RNF130: variants seen among roughly 807,000 people sequenced by gnomAD.
RNF130 encodes the protein E3 ubiquitin-protein ligase RNF130.
RNF130 carries 21 observed loss-of-function variants against 44.6 expected under a neutral mutation model. The ratio of observed to expected loss-of-function variants is 0.47; its 90% CI spans 0.33 to 0.68. The LOEUF (loss-of-function observed/expected upper bound fraction) is 0.68, where lower values mean the gene tolerates loss of function less well. Ranked by LOEUF, RNF130 falls within the 30% of genes least tolerant of loss-of-function variation. RNF130 has a pLI of 0.02. For synonymous variants in RNF130, 214 were observed against 210.4 expected (o/e 1.02, Z -0.15); for missense variants, 479 against 560.6 (o/e 0.85, Z 1.47).
At chr5:179,976,579 G>A (rs1244720937) in intron 5 of RNF130, among the ~76,000 whole-genome samples, 1 of 152,166 alleles carries the variant, frequency 6.6e-6, no homozygotes, top group African/African-American at 2.4e-5. Context: ...TAATTTTCTA[G>A]AGGACAGCTT....
downstream of RNF130, among the ~76,000 whole-genome samples, chr5:179,954,219 C>G (rs1004258570): frequency 6.6e-6 from 1 of 152,180 alleles, no homozygotes; most frequent in Admixed American, 6.5e-5. Context: ...AGAGTTATAA[C>G]ATAATCCAGC....
intron 1 of RNF130, among the ~76,000 whole-genome samples, chr5:180,041,982 T>TAA (rs1748438327): frequency 6.6e-6 from 1 of 152,106 alleles, no homozygotes; most frequent in Admixed American, 6.5e-5. Context: ...GTGGGAAGAC[T>TAA]GCTTGAGCCA....
rs546832722 is a variant in RNF130 at position 179,941,215 on chromosome 5, G to A, written c.1151-20789C>T. The stretch of plus-strand genomic sequence containing the variant: ...CCTGGCTTGCCTGCTTCGTTTGGTT[G>A]GTTTTTAATGGATTGCTGGACATGT... On this transcript the variant is annotated intron_variant, in intron 7 of 7. Transcript: ENST00000522208. 5.9e-5 allele frequency among the ~76,000 whole-genome samples: 9 copies of A among 152,200 alleles called. No homozygotes were observed. In the South Asian group the frequency reaches 1.9e-3, roughly 32 times the overall value.
chr5:179,920,795 AT>A (rs71959214), intron 7 of RNF130, among the ~76,000 whole-genome samples: 10 of 143,410 alleles, frequency 7.0e-5, no homozygotes, highest in Non-Finnish European at 9.0e-5. Context: ...ATATATATAT[AT>A]TTTTTTTTTT....
At chr5:180,055,850 G>C (rs974202918) in intron 1 of RNF130, among the ~76,000 whole-genome samples, 41 of 152,278 alleles carry the variant, frequency 2.7e-4, no homozygotes, top group African/African-American at 9.6e-4. Context: ...TTGGGAGGCT[G>C]AGGTGGGTGG....
At chr5:179,998,140 G>A (rs1390739671) in intron 3 of RNF130, among the ~76,000 whole-genome samples, 1 of 152,178 alleles carries the variant, frequency 6.6e-6, no homozygotes, top group African/African-American at 2.4e-5. Context: ...TGCTTGGCCT[G>A]TTTTTGCTTT....
At chr5:180,060,466 G>A (rs1051204320) in intron 1 of RNF130, among the ~76,000 whole-genome samples, 1 of 152,188 alleles carries the variant, frequency 6.6e-6, no homozygotes, top group Non-Finnish European at 1.5e-5. Context: ...TAAATGCAAA[G>A]TCAATAAAGT....
At chr5:179,979,437 C>T (rs925366936) in intron 4 of RNF130, among the ~76,000 whole-genome samples, 3 of 151,864 alleles carry the variant, frequency 2.0e-5, no homozygotes, top group African/African-American at 7.3e-5. Context: ...CTTCCAGGCA[C>T]AAGTCTGTGC....
intron 2 of RNF130, among the ~76,000 whole-genome samples, chr5:180,023,497 C>T (rs922432208): frequency 3.9e-5 from 6 of 152,162 alleles, no homozygotes; most frequent in East Asian, 1.9e-4. Flanking sequence ...GCACATCTTA[C>T]AGCACCAGAA....
chr5:179,978,060 T>C (rs1423665508), intron 5 of RNF130, 143 bp downstream of exon 5: 5 of 682,234 alleles, frequency 7.3e-6, no homozygotes, highest in Non-Finnish European at 1.3e-5. Flanking sequence ...CTCAGCCCCA[T>C]GGCCAGCAAT....
intron 5 of RNF130, among the ~76,000 whole-genome samples, chr5:179,974,111 T>C (rs1328242913): frequency 1.3e-5 from 2 of 151,920 alleles, no homozygotes; most frequent in Non-Finnish European, 2.9e-5. Flanking sequence ...ACCTGGCAAA[T>C]ATAAAAGGAT....
At chr5:180,056,647 A>G (rs1205983077) in intron 1 of RNF130, among the ~76,000 whole-genome samples, 1 of 152,196 alleles carries the variant, frequency 6.6e-6, no homozygotes, top group South Asian at 2.1e-4. Flanking sequence ...GAAAGAAGAC[A>G]ATTCTTCCTC....
intron 1 of RNF130, among the ~76,000 whole-genome samples, chr5:180,060,497 G>A (rs1436429931): frequency 2.6e-5 from 4 of 152,066 alleles, no homozygotes; most frequent in East Asian, 3.9e-4. Context: ...TCTGTGAAAC[G>A]GCCATCCTTG....
exon 8 of RNF130, chr5:179,920,179 C>A (rs1456004219): frequency 3.5e-6 from 2 of 577,074 alleles, no homozygotes; most frequent in Non-Finnish European, 6.3e-6. Context: ...TGCAAATTAA[C>A]CCTGAACCCC....
intron 2 of RNF130, among the ~76,000 whole-genome samples, chr5:180,013,667 C>T (rs1763644727): frequency 6.6e-6 from 1 of 152,214 alleles, no homozygotes. Context: ...GTATCAACAT[C>T]ATGGTAGATT....
rs759497080 is a variant in RNF130 at position 180,040,519 on chromosome 5, T to C, written c.376A>G (p.Asn126Asp). The C allele has an allele frequency of 6.2e-6, 10 of 1,614,126 alleles. No individual in the cohort carries two copies. Among genetic ancestry groups the C allele is most frequent in the South Asian group, 2.2e-5 (2 of 91,094 alleles). The change falls in exon 2 of 9, where the codon AAT becomes GAT. Residue 126 changes from asparagine (N) to aspartate (D), a missense_variant. Asn to Asp is a conservative substitution (Grantham distance 23). Around this residue, in one of 3 missense-constraint regions of RNF130, gnomAD observed 180 missense variants for 275.1 expected, o/e 0.65. Transcript: ENST00000521389. The stretch of plus-strand genomic sequence containing the variant: ...TTGTAGATGACTACAGCAACTGCAT[T>C]GTGGAAAGCGGCCCGTGATATTTTC... ...KEKISRAAFH[N>D]AVAVVIYNNK...
exon 8 of RNF130, chr5:179,912,840 G>A (rs1176660785): frequency 6.6e-6 from 1 of 152,210 alleles, no homozygotes; most frequent in Non-Finnish European, 1.5e-5. Context: ...GGAGATAAAG[G>A]CTGTTCCAAA....
chr5:180,067,127 G>A (rs1263968857), intron 1 of RNF130, among the ~76,000 whole-genome samples: 3 of 152,234 alleles, frequency 2.0e-5, no homozygotes, highest in African/African-American at 7.2e-5. Flanking sequence ...CCCAAATGCA[G>A]CGCAAGATTA....
chr5:180,005,763 A>G (rs1040209239), intron 3 of RNF130, among the ~76,000 whole-genome samples: 8 of 152,208 alleles, frequency 5.3e-5, no homozygotes, highest in African/African-American at 1.9e-4. Context: ...CCCCCAAAGA[A>G]TAACTCCTAT....
Sources: allele counts gnomAD v4.1 joint callset (sites outside exome capture counted in the v4.1 genomes callset), GRCh38; gene constraint gnomAD v4.1.1; regional missense constraint gnomAD v4.1.1; transcripts MANE v1.5; gene names NCBI Gene and HGNC (gene_info 2026-07-23, HGNC 2026-07-21).